The following GRID1 variants were observed in gnomAD, a reference collection of about 807,000 sequenced individuals.
GRID1 encodes glutamate receptor ionotropic, delta-1.
A neutral mutation model predicts 98.0 loss-of-function variants in GRID1; 28 were observed. That is an observed-to-expected ratio of 0.29 (90% CI 0.21 to 0.39). The LOEUF is 0.39. Ranked by LOEUF, GRID1 falls within the 10% of genes least tolerant of loss-of-function variation. The pLI, the probability that GRID1 is intolerant of heterozygous loss-of-function variation, is 1.00. For missense variants in GRID1, 1,111 were observed against 1,340.5 expected (o/e 0.83, Z 2.67); for synonymous variants, 553 against 538.5 (o/e 1.03, Z -0.37).
chr10:86,066,055 C>T (rs1199525282), intron 4 of GRID1, among the ~76,000 whole-genome samples: 2 of 152,152 alleles, frequency 1.3e-5, no homozygotes, highest in Non-Finnish European at 2.9e-5. Flanking sequence ...AGCTGACAAG[C>T]ATTTTCTAAT....
chr10:85,992,774 A>T lies in GRID1; in HGVS notation c.727-76535T>A, dbSNP rs565969757. On this transcript the variant is annotated intron_variant, in intron 4 of 15. Coordinates refer to ENST00000327946, the MANE Select transcript of GRID1 (RefSeq NM_017551.3). ...AGACCAGCCTAGGTAACATAGTGAG[A>T]CCCTGTCTCTAAAAATAATAATAAT... is the stretch of plus-strand genomic sequence containing the variant. Among the ~76,000 whole-genome samples, 10 of 151,932 alleles carry T rather than the reference A, an allele frequency of 6.6e-5. 1 individual carries two copies. In the East Asian group the frequency reaches 1.7e-3, roughly 26 times the overall value.
intron 3 of GRID1, among the ~76,000 whole-genome samples, chr10:86,187,665 C>T (rs991719710): frequency 8.5e-5 from 13 of 152,178 alleles, no homozygotes; most frequent in African/African-American, 2.4e-4. Context: ...CTTGGGGCTG[C>T]GCTAGTTCCA....
chr10:86,022,998 A>G (rs1447952664), intron 4 of GRID1, among the ~76,000 whole-genome samples: 3 of 151,916 alleles, frequency 2.0e-5, no homozygotes, highest in Non-Finnish European at 4.4e-5. Context: ...AACAAGGGTC[A>G]TATGTTGGGG....
chr10:86,196,257 T>G (rs1363074996), intron 3 of GRID1, among the ~76,000 whole-genome samples: 2 of 152,018 alleles, frequency 1.3e-5, no homozygotes, highest in African/African-American at 2.4e-5. Context: ...GGGACAGAGT[T>G]GGGGCTCTAG....
intron 4 of GRID1, among the ~76,000 whole-genome samples, chr10:86,121,918 TCTCCC>T (rs1844683120): frequency 6.6e-6 from 1 of 152,140 alleles, no homozygotes; most frequent in Non-Finnish European, 1.5e-5. Context: ...CTCTGACATC[TCTCCC>T]CTCAAGCCTG....
chr10:85,741,087 C>T (rs187870934), intron 8 of GRID1, among the ~76,000 whole-genome samples: 102 of 152,208 alleles, frequency 6.7e-4, no homozygotes, highest in African/African-American at 2.2e-3. Flanking sequence ...ACCATCTCTT[C>T]TTCATTTTGA....
At chr10:86,264,978 G>C (rs766826480) in intron 2 of GRID1, among the ~76,000 whole-genome samples, 9 of 152,220 alleles carry the variant, frequency 5.9e-5, no homozygotes, top group Non-Finnish European at 1.0e-4. Context: ...AGCCAAGCAG[G>C]AGCTGCACTT....
At chr10:85,898,387 A>G in intron 5 of GRID1, among the ~76,000 whole-genome samples, 1 of 152,172 alleles carries the variant, frequency 6.6e-6, no homozygotes, top group East Asian at 1.9e-4. Context: ...AACACTAAAC[A>G]TAGGCAACAC....
intron 3 of GRID1, among the ~76,000 whole-genome samples, chr10:86,186,675 G>A (rs10887561): frequency 0.046 from 6,934 of 152,250 alleles, 200 homozygotes; most frequent in South Asian, 0.079. Flanking sequence ...GAGGTGTTAC[G>A]AAAACTCCAT....
chr10:86,086,677 CAT>C (rs1163950392), intron 4 of GRID1, among the ~76,000 whole-genome samples: 7 of 152,104 alleles, frequency 4.6e-5, no homozygotes, highest in Non-Finnish European at 5.9e-5. Context: ...CACAAGTGTC[CAT>C]GTGTGTGCAT....
At chr10:86,298,008 T>C (rs915476284) in intron 2 of GRID1, among the ~76,000 whole-genome samples, 2 of 152,206 alleles carry the variant, frequency 1.3e-5, no homozygotes, top group Middle Eastern at 3.2e-3. Context: ...GCGTTACCAT[T>C]GCAAGTACCA....
intron 2 of GRID1, among the ~76,000 whole-genome samples, chr10:86,253,762 C>G (rs1846872982): frequency 6.6e-6 from 1 of 152,194 alleles, no homozygotes; most frequent in African/African-American, 2.4e-5. Context: ...TGTTAGCCAG[C>G]TAGAAGGGCC....
chr10:85,711,213 T>C (rs1029731538), intron 12 of GRID1, among the ~76,000 whole-genome samples: 1 of 151,938 alleles, frequency 6.6e-6, no homozygotes, highest in Non-Finnish European at 1.5e-5. Context: ...AGCTAAAATG[T>C]GAAAGCAATC....
chr10:86,273,944 T>C (rs2132063369), intron 2 of GRID1, among the ~76,000 whole-genome samples: 1 of 151,458 alleles, frequency 6.6e-6, no homozygotes, highest in African/African-American at 2.4e-5. Context: ...ATTTTGGCTT[T>C]TGTTGCCATT....
At chr10:85,920,601 G>C (rs547291947) in intron 4 of GRID1, among the ~76,000 whole-genome samples, 2 of 152,188 alleles carry the variant, frequency 1.3e-5, no homozygotes, top group African/African-American at 4.8e-5. Flanking sequence ...AAAGTGGTGG[G>C]CACCACCACC....
At chr10:86,313,237 C>T (rs1041129471) in intron 2 of GRID1, among the ~76,000 whole-genome samples, 3 of 152,224 alleles carry the variant, frequency 2.0e-5, no homozygotes, top group Non-Finnish European at 4.4e-5. Context: ...CATGAAAATA[C>T]TAACAGCGAT....
intron 3 of GRID1, among the ~76,000 whole-genome samples, chr10:86,140,313 C>T (rs1844993509): frequency 6.6e-6 from 1 of 152,234 alleles, no homozygotes; most frequent in Non-Finnish European, 1.5e-5. Flanking sequence ...ACAGGCACGG[C>T]CTGGCCCATG....
chr10:85,897,419 G>A (rs1841308709), intron 5 of GRID1, among the ~76,000 whole-genome samples: 1 of 152,230 alleles, frequency 6.6e-6, no homozygotes, highest in Non-Finnish European at 1.5e-5. Flanking sequence ...GAAACCTCCA[G>A]GGAAGATGGG....
intron 8 of GRID1, among the ~76,000 whole-genome samples, chr10:85,838,905 C>T (rs1842936257): frequency 6.6e-6 from 1 of 152,086 alleles, no homozygotes; most frequent in African/African-American, 2.4e-5. Context: ...AGACCCATCT[C>T]ACATGCAGTG....
Sources: gnomAD v4.1 joint callset for allele counts (sites outside exome capture counted in the v4.1 genomes callset) on GRCh38, gnomAD v4.1.1 for gene constraint, MANE v1.5 for transcripts, NCBI Gene and HGNC (gene_info 2026-07-23, HGNC 2026-07-21) for gene names.